ST6GALNAC3: variants seen among roughly 807,000 people sequenced by gnomAD.
ST6GALNAC3 encodes ST6 N-acetylgalactosaminide alpha-2,6-sialyltransferase 3.
A neutral mutation model predicts 32.7 loss-of-function variants in ST6GALNAC3; 25 were observed. The observed-to-expected ratio is 0.76, with a 90% CI of 0.56 to 1.07. The LOEUF (loss-of-function observed/expected upper bound fraction) is 1.07, where lower values mean the gene tolerates loss of function less well. Ranked by LOEUF, ST6GALNAC3 falls within the 50% of genes least tolerant of loss-of-function variation. ST6GALNAC3 has a pLI of 0.00. For missense variants in ST6GALNAC3, 355 were observed against 382.4 expected (o/e 0.93, Z 0.60); for synonymous variants, 129 against 133.1 (o/e 0.97, Z 0.21).
chr1:76,308,867 T>G (rs1287845845), intron 1 of ST6GALNAC3, among the ~76,000 whole-genome samples: 1 of 152,208 alleles, frequency 6.6e-6, no homozygotes, highest in East Asian at 1.9e-4. Context: ...GCATCCAACT[T>G]CATTTATTTG....
chr1:76,578,484 A>T (rs1235773725), intron 3 of ST6GALNAC3, among the ~76,000 whole-genome samples: 1 of 152,012 alleles, frequency 6.6e-6, no homozygotes, highest in Non-Finnish European at 1.5e-5. Flanking sequence ...TTGACCTTTG[A>T]TATGAAAAGT....
At chr1:76,400,261 C>T (rs1337181089) in intron 2 of ST6GALNAC3, among the ~76,000 whole-genome samples, 1 of 152,108 alleles carries the variant, frequency 6.6e-6, no homozygotes, top group African/African-American at 2.4e-5. Flanking sequence ...TCCTCAAATC[C>T]TTTTGCTGCA....
At chr1:76,230,208 A>T (rs1656291678) in intron 1 of ST6GALNAC3, among the ~76,000 whole-genome samples, 1 of 152,206 alleles carries the variant, frequency 6.6e-6, no homozygotes, top group East Asian at 1.9e-4. Context: ...CCAAACCTTA[A>T]GGAGTACATA....
intron 1 of ST6GALNAC3, among the ~76,000 whole-genome samples, chr1:76,103,484 T>C (rs1647322364): frequency 6.6e-6 from 1 of 152,236 alleles, no homozygotes. Flanking sequence ...AGTTATTAAT[T>C]TTAGTTAATG....
intron 3 of ST6GALNAC3, among the ~76,000 whole-genome samples, chr1:76,429,661 T>G (rs1246082089): frequency 6.6e-6 from 1 of 152,150 alleles, no homozygotes; most frequent in Non-Finnish European, 1.5e-5. Flanking sequence ...TGGAAGACAT[T>G]GGCCTTGTCA....
At chr1:76,126,629 G>A (rs1424988625) in intron 1 of ST6GALNAC3, among the ~76,000 whole-genome samples, 1 of 152,160 alleles carries the variant, frequency 6.6e-6, no homozygotes, top group Non-Finnish European at 1.5e-5. Context: ...GCAGAACAGA[G>A]TGTGGGCTTT....
intron 1 of ST6GALNAC3, among the ~76,000 whole-genome samples, chr1:76,239,666 T>TC: frequency 6.6e-6 from 1 of 152,000 alleles, no homozygotes; most frequent in Non-Finnish European, 1.5e-5. Context: ...CGAGAGATCT[T>TC]CCCCCGTGAC....
At chr1:76,465,721 A>G (rs1196267199) in intron 3 of ST6GALNAC3, among the ~76,000 whole-genome samples, 1 of 151,994 alleles carries the variant, frequency 6.6e-6, no homozygotes, top group African/African-American at 2.4e-5. Flanking sequence ...TTTTTTTTAA[A>G]TGTAATTGGT....
chr1:76,334,459 G>A lies in ST6GALNAC3; in HGVS notation c.213+20460G>A, dbSNP rs377249245. 3.0e-4 allele frequency among the ~76,000 whole-genome samples: 45 copies of A among 152,292 alleles called. No homozygotes were observed. The South Asian group carries it at 9.1e-3, about 31-fold the overall frequency. Reference sequence around the variant, plus strand: ...CCCACGTATTAAATGCATACTACATGCAGAATGTCTAGGAGGAAGTAGAAG... The same window carrying A: ...CCCACGTATTAAATGCATACTACATACAGAATGTCTAGGAGGAAGTAGAAG... On this transcript the variant is annotated intron_variant, in intron 2 of 4. Coordinates refer to ENST00000328299, the MANE Select transcript of ST6GALNAC3 (RefSeq NM_152996.4).
chr1:76,549,528 T>C (rs987442184), intron 3 of ST6GALNAC3, among the ~76,000 whole-genome samples: 1 of 152,060 alleles, frequency 6.6e-6, no homozygotes, highest in Admixed American at 6.6e-5. Context: ...TTTTTGCATA[T>C]AGCTATGTAG....
intron 3 of ST6GALNAC3, among the ~76,000 whole-genome samples, chr1:76,601,951 A>T (rs772963197): frequency 6.6e-6 from 1 of 152,190 alleles, no homozygotes; most frequent in Non-Finnish European, 1.5e-5. Context: ...GTATCCTTCT[A>T]ACCAAATGAA....
At chr1:76,239,136 T>C (rs1268168356) in intron 1 of ST6GALNAC3, among the ~76,000 whole-genome samples, 1 of 152,062 alleles carries the variant, frequency 6.6e-6, no homozygotes, top group Admixed American at 6.6e-5. Flanking sequence ...TTCGCTTCTC[T>C]AGCCTCCTTG....
At position 76,630,860 on chromosome 1, in the gene ST6GALNAC3, TAAAC is replaced by T; in HGVS notation, c.*2056_*2059del. On this transcript the variant is annotated 3_prime_UTR_variant, in exon 5 of 5. Transcript: ENST00000328299. Reference sequence around the variant, plus strand: ...ATAGAAATGCCCACTCAAAGAAAAATAAACAGAGACAAATGTTAAAATTGCCATA... The same window carrying T: ...ATAGAAATGCCCACTCAAAGAAAAATAGAGACAAATGTTAAAATTGCCATA... 2 of 985,632 alleles carry T rather than the reference TAAAC, an allele frequency of 2.0e-6. No individual in the cohort carries two copies. Among genetic ancestry groups the T allele is most frequent in the African/African-American group, 1.7e-5 (1 of 57,306 alleles). 61.1% of individuals were successfully genotyped at this position (985,632 alleles called of 1,614,324 possible).
intron 3 of ST6GALNAC3, among the ~76,000 whole-genome samples, chr1:76,432,296 T>C (rs1655811268): frequency 1.3e-5 from 2 of 152,320 alleles, no homozygotes; most frequent in South Asian, 4.1e-4. Flanking sequence ...TTCCAAGTTT[T>C]GTCAATTATG....
At chr1:76,111,730 T>A (rs1251032735) in intron 1 of ST6GALNAC3, among the ~76,000 whole-genome samples, 5 of 150,002 alleles carry the variant, frequency 3.3e-5, no homozygotes, top group Non-Finnish European at 7.4e-5. Flanking sequence ...ACACAGCACA[T>A]GTTTCAGAGA....
chr1:76,082,332 G>C (rs1384527789), intron 1 of ST6GALNAC3, among the ~76,000 whole-genome samples: 1 of 152,134 alleles, frequency 6.6e-6, no homozygotes, highest in East Asian at 1.9e-4. Flanking sequence ...TCATTATTCA[G>C]TTTATGGATT....
intron 3 of ST6GALNAC3, among the ~76,000 whole-genome samples, chr1:76,561,132 T>A (rs945349959): frequency 9.9e-5 from 15 of 152,220 alleles, no homozygotes; most frequent in African/African-American, 3.6e-4. Context: ...CTCACTCATT[T>A]GTGGGATCTA....
chr1:76,241,854 T>G (rs912149476), intron 1 of ST6GALNAC3, among the ~76,000 whole-genome samples: 2 of 152,070 alleles, frequency 1.3e-5, no homozygotes, highest in Admixed American at 6.6e-5. Flanking sequence ...ACCAGAAAAT[T>G]TAAGATTATG....
intron 2 of ST6GALNAC3, among the ~76,000 whole-genome samples, chr1:76,322,592 G>T (rs1049214499): frequency 3.3e-5 from 5 of 152,076 alleles, no homozygotes; most frequent in Admixed American, 6.6e-5. Context: ...ATGTCTAAAA[G>T]GTAATTTGTC....
Sources: gnomAD v4.1 joint callset for allele counts (sites outside exome capture counted in the v4.1 genomes callset) on GRCh38, gnomAD v4.1.1 for gene constraint, MANE v1.5 for transcripts, NCBI Gene and HGNC (gene_info 2026-07-23, HGNC 2026-07-21) for gene names.